ACSM2A: variants seen among roughly 807,000 people sequenced by gnomAD.
ACSM2A encodes acyl-CoA synthetase medium chain family member 2A.
ACSM2A carries 72 observed loss-of-function variants against 76.6 expected under a neutral mutation model. The ratio of observed to expected loss-of-function variants is 0.94; its 90% CI spans 0.78 to 1.14. ACSM2A has a LOEUF of 1.14. ACSM2A is among the 50% of genes most tolerant of loss of function. ACSM2A has a pLI of 0.00. For synonymous variants in ACSM2A, 249 were observed against 255.9 expected (o/e 0.97, Z 0.26); for missense variants, 684 against 708.5 (o/e 0.97, Z 0.39).
intron 8 of ACSM2A, chr16:20,476,628 G>T: frequency 4.1e-6 from 4 of 985,878 alleles, no homozygotes; most frequent in Non-Finnish European, 4.8e-6. Context: ...AGGTTCCCAT[G>T]ATCTTAATCA....
Position 20,480,520 on chromosome 16 carries a change from C to T in ACSM2A, c.1282-53C>T. On this transcript the variant is annotated intron_variant, in intron 10 of 13. Transcript: ENST00000573854. The stretch of plus-strand genomic sequence containing the variant: ...GCATTTGTTCATGGCAGCCCCAGGG[C>T]AGGGGATTTAGGCTTTGCAGGCACA... 8.2e-6 allele frequency: 13 copies of T among 1,578,090 alleles called. No homozygotes were observed. In the South Asian group the frequency reaches 1.4e-4, roughly 17 times the overall value.
chr16:20,471,266 A>G lies in ACSM2A; in HGVS notation c.740+50A>G, dbSNP rs1279951865. On this transcript the variant is annotated intron_variant, in intron 5 of 13. Coordinates refer to ENST00000573854, the MANE Select transcript of ACSM2A (RefSeq NM_001308172.2). Reference sequence around the variant, plus strand: ...AGAGAATTACATGAGTTTTGGAGTTAGAAGGAGAATGAGACCCAATTATAT... The same window carrying G: ...AGAGAATTACATGAGTTTTGGAGTTGGAAGGAGAATGAGACCCAATTATAT... The G allele has an allele frequency of 2.5e-6, 4 of 1,589,442 alleles. No individual in the cohort carries two copies. In the African/African-American group the frequency reaches 5.4e-5, roughly 21 times the overall value.
intron 1 of ACSM2A, among the ~76,000 whole-genome samples, chr16:20,459,857 G>A (rs1203038177): frequency 2.0e-5 from 3 of 152,162 alleles, no homozygotes; most frequent in East Asian, 1.9e-4. Flanking sequence ...GGAAATGGGC[G>A]TTCACAAAAC....
chr16:20,483,594 A>AAAAAAC, intron 13 of ACSM2A, among the ~76,000 whole-genome samples: 1 of 146,810 alleles, frequency 6.8e-6, no homozygotes, highest in Non-Finnish European at 1.5e-5. Context: ...AAAAAAAAAA[A>AAAAAAC]AAAAAAAAGT....
At chr16:20,466,331 A>T in intron 3 of ACSM2A, among the ~76,000 whole-genome samples, 1 of 152,184 alleles carries the variant, frequency 6.6e-6, no homozygotes, top group East Asian at 1.9e-4. Context: ...TTGAGCTGAG[A>T]TCTGCAGGAT....
chr16:20,475,876 G>C, intron 8 of ACSM2A, 103 bp downstream of exon 8: 1 of 1,564,906 alleles, frequency 6.4e-7, no homozygotes. Context: ...TCATCTATTC[G>C]AGAAGTATTT....
At chr16:20,482,746 T>C (rs1023158576) in intron 12 of ACSM2A, 1 of 215,038 alleles carries the variant, frequency 4.7e-6, no homozygotes, top group East Asian at 9.7e-5. Flanking sequence ...TTGTTTAGGG[T>C]TATGGTTTTC....
chr16:20,464,679 A>G (rs1288990787), intron 2 of ACSM2A, among the ~76,000 whole-genome samples: 2 of 152,138 alleles, frequency 1.3e-5, no homozygotes, highest in Non-Finnish European at 2.9e-5. Flanking sequence ...ATTGCATTTC[A>G]ACATGAGACT....
At chr16:20,475,044 G>C (rs1403474097) in intron 6 of ACSM2A, among the ~76,000 whole-genome samples, 1 of 147,858 alleles carries the variant, frequency 6.8e-6, no homozygotes, top group Non-Finnish European at 1.5e-5. Context: ...TTGCTGGGGG[G>C]TGATCTACTC....
At chr16:20,484,711 T>C (rs1472137782) in intron 13 of ACSM2A, among the ~76,000 whole-genome samples, 3 of 150,226 alleles carry the variant, frequency 2.0e-5, no homozygotes, top group Non-Finnish European at 2.9e-5. Context: ...GGAGCTAGTA[T>C]AACCTTTCAG....
At chr16:20,485,523 T>A (rs1267081200) in intron 13 of ACSM2A, among the ~76,000 whole-genome samples, 1 of 152,228 alleles carries the variant, frequency 6.6e-6, no homozygotes, top group African/African-American at 2.4e-5. Flanking sequence ...TATGTGGTCT[T>A]TGTTGCAACT....
intron 1 of ACSM2A, among the ~76,000 whole-genome samples, chr16:20,457,717 T>G (rs929112707): frequency 6.6e-6 from 1 of 152,008 alleles, no homozygotes; most frequent in Non-Finnish European, 1.5e-5. Context: ...TAATAGTGAA[T>G]GGGGAAAAGT....
At chr16:20,462,826 A>G (rs1430418440) in intron 2 of ACSM2A, among the ~76,000 whole-genome samples, 3 of 151,860 alleles carry the variant, frequency 2.0e-5, no homozygotes, top group Non-Finnish European at 2.9e-5. Context: ...CTGGGTATAC[A>G]CCAAAAAAAA....
Position 20,469,739 on chromosome 16 carries a change from A to G in ACSM2A, c.596+20A>G. ...ACTAAAGTGAGTATCTACATGTCTCAGCCTGGGTTTTAACTAAAACTGGAA... is the reference window on the plus strand; with the variant it reads ...ACTAAAGTGAGTATCTACATGTCTCGGCCTGGGTTTTAACTAAAACTGGAA... On this transcript the variant is annotated intron_variant, in intron 4 of 13. Coordinates refer to ENST00000573854, the MANE Select transcript of ACSM2A (RefSeq NM_001308172.2). 1.2e-6 allele frequency: 2 copies of G among 1,613,416 alleles called. No homozygotes were observed. The highest frequency in any genetic ancestry group is 2.2e-5 in the South Asian group (2 of 91,018).
intron 1 of ACSM2A, among the ~76,000 whole-genome samples, chr16:20,459,033 A>G (rs1392412427): frequency 6.6e-6 from 1 of 150,706 alleles, no homozygotes; most frequent in Non-Finnish European, 1.5e-5. Flanking sequence ...TTCAAAGTGA[A>G]GTAATTCAGG....
chr16:20,459,335 C>G (rs996590927), intron 1 of ACSM2A, among the ~76,000 whole-genome samples: 1 of 152,160 alleles, frequency 6.6e-6, no homozygotes, highest in Non-Finnish European at 1.5e-5. Context: ...GTCCTGTGCA[C>G]TAGATGGATA....
intron 4 of ACSM2A, among the ~76,000 whole-genome samples, chr16:20,470,583 T>A (rs1002460976): frequency 4.6e-5 from 7 of 152,118 alleles, no homozygotes; most frequent in African/African-American, 1.7e-4. Flanking sequence ...AGGCTCAAAA[T>A]CAGGACACTG....
intron 12 of ACSM2A, chr16:20,482,342 G>A (rs530897618): frequency 6.6e-6 from 1 of 152,034 alleles, no homozygotes; most frequent in African/African-American, 2.4e-5. Context: ...CAGAGCCCGT[G>A]TGCCACAGAG....
chr16:20,479,128 G>C (rs2013940504), intron 10 of ACSM2A, among the ~76,000 whole-genome samples: 1 of 152,196 alleles, frequency 6.6e-6, no homozygotes, highest in Middle Eastern at 3.4e-3. Flanking sequence ...GGAAGGTAAA[G>C]ACAGATAATC....
Sources: gnomAD v4.1 joint callset for allele counts (sites outside exome capture counted in the v4.1 genomes callset) on GRCh38, gnomAD v4.1.1 for gene constraint, MANE v1.5 for transcripts, NCBI Gene and HGNC (gene_info 2026-07-23, HGNC 2026-07-21) for gene names.